The following RGS7 variants were observed in gnomAD, a reference collection of about 807,000 sequenced individuals.
RGS7 encodes the protein regulator of G protein signaling 7, also known as regulator of G-protein signaling 7.
In RGS7, 27 loss-of-function variants were observed where a neutral mutation model predicts 81.1. That is an observed-to-expected ratio of 0.33 (90% CI 0.25 to 0.46). RGS7 has a LOEUF of 0.46. RGS7 is among the 20% of genes least tolerant of loss of function. RGS7 has a pLI of 1.00. For synonymous variants in RGS7, 208 were observed against 207.7 expected (o/e 1.00, Z -0.01); for missense variants, 396 against 607.4 (o/e 0.65, Z 3.66).
At chr1:241,068,706 T>TAA (rs139099723) in intron 3 of RGS7, among the ~76,000 whole-genome samples, 3,865 of 152,172 alleles carry the variant, frequency 0.025, 144 homozygotes, top group African/African-American at 0.075. Context: ...TAGTTTATTT[T>TAA]AGTCTTGGTG....
At chr1:241,294,695 A>AT (rs1280884077) in intron 2 of RGS7, among the ~76,000 whole-genome samples, 2 of 151,914 alleles carry the variant, frequency 1.3e-5, no homozygotes, top group African/African-American at 2.4e-5. Flanking sequence ...TGGGTGTACC[A>AT]TTTTTTTCCT....
At chr1:241,182,936 A>C in intron 2 of RGS7, among the ~76,000 whole-genome samples, 2 of 145,696 alleles carry the variant, frequency 1.4e-5, no homozygotes. Flanking sequence ...AGCCTCCCAA[A>C]CGTTTTTCTT....
At chr1:240,927,055 TTTTTGTTTTG>T in intron 6 of RGS7, among the ~76,000 whole-genome samples, 1 of 151,852 alleles carries the variant, frequency 6.6e-6, no homozygotes. Flanking sequence ...AAACTGGTTT[TTTTTGTTTTG>T]TTTTGTTTTG....
intron 2 of RGS7, among the ~76,000 whole-genome samples, chr1:241,293,228 C>T (rs1362462267): frequency 6.6e-6 from 1 of 152,158 alleles, no homozygotes; most frequent in African/African-American, 2.4e-5. Flanking sequence ...AACAAACACA[C>T]TAAGCTGCTA....
intron 6 of RGS7, chr1:240,919,568 G>A (rs767530257): frequency 8.2e-5 from 18 of 219,978 alleles, no homozygotes; most frequent in Non-Finnish European, 1.4e-4. Context: ...ATAGAGGAAT[G>A]CTCCCAACTT....
At chr1:241,179,587 C>T (rs1015973016) in intron 2 of RGS7, among the ~76,000 whole-genome samples, 2 of 152,102 alleles carry the variant, frequency 1.3e-5, no homozygotes, top group Non-Finnish European at 2.9e-5. Context: ...CATATTTAGT[C>T]CCCACAAGCT....
intron 2 of RGS7, among the ~76,000 whole-genome samples, chr1:241,249,311 T>A (rs1001077113): frequency 6.6e-6 from 1 of 152,058 alleles, no homozygotes; most frequent in Non-Finnish European, 1.5e-5. Context: ...TCAAGATTTT[T>A]TTTTTTTTGG....
rs544220474 is a variant in RGS7, at chr1:240,924,026, G to T, written c.385+6691C>A. 3.5e-3 allele frequency among the ~76,000 whole-genome samples: 529 copies of T among 152,106 alleles called. 1 individual carries two copies. The highest frequency in any genetic ancestry group is 0.012 in the African/African-American group (510 of 41,506). ...TTTTAAATTAGTTCACCATGTATTTGATCTCTTTAGTTGGTCATAAATCCC... is the reference window on the plus strand; with the variant it reads ...TTTTAAATTAGTTCACCATGTATTTTATCTCTTTAGTTGGTCATAAATCCC... On this transcript the variant is annotated intron_variant, in intron 6 of 18. Transcript: ENST00000440928.
intron 3 of RGS7, among the ~76,000 whole-genome samples, chr1:240,987,240 T>C (rs578117450): frequency 1.5e-4 from 23 of 152,240 alleles, no homozygotes; most frequent in Non-Finnish European, 5.9e-5. Flanking sequence ...CACATTTGAT[T>C]TGCATCCTTT....
At chr1:241,218,711 C>T (rs1438914660) in intron 2 of RGS7, among the ~76,000 whole-genome samples, 2 of 152,178 alleles carry the variant, frequency 1.3e-5, no homozygotes, top group Admixed American at 1.3e-4. Context: ...ATGGCGCAAT[C>T]TCGGCTCACC....
chr1:241,307,425 C>T (rs1389216661), intron 2 of RGS7, among the ~76,000 whole-genome samples: 1 of 152,134 alleles, frequency 6.6e-6, no homozygotes, highest in African/African-American at 2.4e-5. Context: ...ATCAATTATC[C>T]TGGTACTTCC....
chr1:241,338,348 T>C (rs1009885296), intron 2 of RGS7, among the ~76,000 whole-genome samples: 3 of 152,180 alleles, frequency 2.0e-5, no homozygotes, highest in Non-Finnish European at 4.4e-5. Context: ...TACTGGCCTA[T>C]CTCTACAACT....
At chr1:240,835,890 T>C (rs939580006) in intron 9 of RGS7, among the ~76,000 whole-genome samples, 6 of 152,178 alleles carry the variant, frequency 3.9e-5, no homozygotes, top group African/African-American at 1.4e-4. Flanking sequence ...GGCGAAACGA[T>C]GGAGACAAAT....
rs527440410 is a variant in RGS7, at chr1:241,275,547, G to A, written c.78+80152C>T. Among the ~76,000 whole-genome samples, 5 of 152,232 alleles carry A rather than the reference G, an allele frequency of 3.3e-5. No individual in the cohort carries two copies. The South Asian group carries it at 8.3e-4, about 25-fold the overall frequency. On this transcript the variant is annotated intron_variant, in intron 2 of 18. Coordinates refer to ENST00000440928, the MANE Select transcript of RGS7 (RefSeq NM_001364886.1). ...GGAAACGTTGGTGACCCTTGAGGCCGTCCTTCTCTCTCTCATAGCAATTAA... is the reference window on the plus strand; with the variant it reads ...GGAAACGTTGGTGACCCTTGAGGCCATCCTTCTCTCTCTCATAGCAATTAA...
intron 2 of RGS7, among the ~76,000 whole-genome samples, chr1:241,182,858 G>T (rs2071751743): frequency 7.4e-6 from 1 of 134,614 alleles, no homozygotes; most frequent in Non-Finnish European, 1.7e-5. Flanking sequence ...TGTTTTAGTA[G>T]AGACAGGGTT....
At position 240,908,170 on chromosome 1, in the gene RGS7, G is replaced by A. The variant is rs545296442; in HGVS notation, c.385+22547C>T. Among the ~76,000 whole-genome samples the A allele has an allele frequency of 2.4e-4, 32 of 132,576 alleles. No individual in the cohort carries two copies. The East Asian group carries it at 4.3e-3, about 18-fold the overall frequency. The allele number at this position is 132,576 out of a possible 152,430, so 87.0% of individuals were successfully genotyped here. A position where few individuals can be genotyped will look rare whatever the true frequency, so the allele number is the denominator to read the frequency against. The stretch of plus-strand genomic sequence containing the variant: ...CAATGAGAACACCTGGACACAGGGC[G>A]AGGAACATCACACACCGGGGCCTGT... On this transcript the variant is annotated intron_variant, in intron 6 of 18. Transcript: ENST00000440928.
Position 241,045,985 on chromosome 1 carries a change from A to G in RGS7, c.175+52681T>C, listed in dbSNP as rs143869460. Reference sequence around the variant, plus strand: ...ATTGAAGGTGTGCCCTGGTCTATGGAAAGTACCTTTGGCATTTAGACTTTT... The same window carrying G: ...ATTGAAGGTGTGCCCTGGTCTATGGGAAGTACCTTTGGCATTTAGACTTTT... On this transcript the variant is annotated intron_variant, in intron 3 of 18. Coordinates refer to ENST00000440928, the MANE Select transcript of RGS7 (RefSeq NM_001364886.1). Among the ~76,000 whole-genome samples the G allele has an allele frequency of 4.0e-5, 6 of 150,620 alleles. No homozygotes were observed. The East Asian group carries it at 1.2e-3, about 29-fold the overall frequency.
Position 240,864,318 on chromosome 1 carries a change from G to A in RGS7, c.609+4269C>T, listed in dbSNP as rs139067098. 3.2e-3 allele frequency among the ~76,000 whole-genome samples: 483 copies of A among 152,196 alleles called. 2 individuals carry two copies. Among genetic ancestry groups the A allele is most frequent in the African/African-American group, 0.011 (458 of 41,518 alleles). On this transcript the variant is annotated intron_variant, in intron 9 of 18. Transcript: ENST00000440928. ...TTCCATATTATGGAAGGGTGGCAAC[G>A]CCCTGTTTCACGAGTTTCAGATTCA...
chr1:240,815,060 G>A (rs1234360498), intron 11 of RGS7, among the ~76,000 whole-genome samples: 1 of 152,116 alleles, frequency 6.6e-6, no homozygotes, highest in African/African-American at 2.4e-5. Context: ...AGATTTTGCT[G>A]GGTGCAGTGG....
Sources: gnomAD v4.1 joint callset for allele counts (sites outside exome capture counted in the v4.1 genomes callset) on GRCh38, gnomAD v4.1.1 for gene constraint, MANE v1.5 for transcripts, NCBI Gene and HGNC (gene_info 2026-07-23, HGNC 2026-07-21) for gene names.